DLC1: variants seen among roughly 807,000 people sequenced by gnomAD.
The protein encoded by DLC1 is rho GTPase-activating protein 7.
In DLC1, 54 loss-of-function variants were observed where a neutral mutation model predicts 140.3. The observed-to-expected ratio is 0.38, with a 90% CI of 0.31 to 0.48. DLC1 has a LOEUF of 0.48. Ranked by LOEUF, DLC1 falls within the 20% of genes least tolerant of loss-of-function variation. The pLI, the probability that DLC1 is intolerant of heterozygous loss-of-function variation, is 0.96. For synonymous variants in DLC1, 986 were observed against 728.1 expected (o/e 1.35, Z -5.70); for missense variants, 2,536 against 1,907.0 (o/e 1.33, Z -6.14).
At chr8:13,102,271 A>C (rs1190896750) in intron 8 of DLC1, among the ~76,000 whole-genome samples, 1 of 152,184 alleles carries the variant, frequency 6.6e-6, no homozygotes. Flanking sequence ...TCGGTTGTGT[A>C]CCACCATTTG....
At chr8:13,304,373 A>C (rs1032973117) in intron 5 of DLC1, among the ~76,000 whole-genome samples, 15 of 152,344 alleles carry the variant, frequency 9.8e-5, no homozygotes, top group African/African-American at 3.4e-4. Flanking sequence ...ATACAGCCTA[A>C]ACATGAGAGA....
Position 13,319,758 on chromosome 8 carries a change from G to T in DLC1, c.1315-14456C>A, listed in dbSNP as rs1563250504. ...GGTAGTTCTTTATAACAGTGCAAGA[G>T]CGGATTAATACACCAACTTTTTTCA... On this transcript the variant is annotated intron_variant, in intron 4 of 17. Coordinates refer to ENST00000276297, the MANE Select transcript of DLC1 (RefSeq NM_182643.3). Among the ~76,000 whole-genome samples, 3 of 149,614 alleles carry T rather than the reference G, an allele frequency of 2.0e-5. 1 individual carries two copies. In the South Asian group the frequency reaches 6.3e-4, roughly 32 times the overall value.
At chr8:13,411,752 T>G (rs1747270241) in intron 2 of DLC1, among the ~76,000 whole-genome samples, 1 of 152,314 alleles carries the variant, frequency 6.6e-6, no homozygotes, top group African/African-American at 2.4e-5. Flanking sequence ...CTAGAAAATT[T>G]TTAGTGTGGA....
intron 5 of DLC1, among the ~76,000 whole-genome samples, chr8:13,278,286 A>G (rs1441443222): frequency 6.6e-6 from 1 of 152,214 alleles, no homozygotes; most frequent in African/African-American, 2.4e-5. Flanking sequence ...GCCTGGTTCC[A>G]TTCTAAAACA....
chr8:13,406,704 G>C (rs1837579667), intron 2 of DLC1, among the ~76,000 whole-genome samples: 1 of 152,072 alleles, frequency 6.6e-6, no homozygotes, highest in Non-Finnish European at 1.5e-5. Flanking sequence ...ATTAACTGTT[G>C]GTGCCCAGAA....
chr8:13,463,867 G>A (rs920402843), intron 2 of DLC1, among the ~76,000 whole-genome samples: 2 of 152,026 alleles, frequency 1.3e-5, no homozygotes, highest in Non-Finnish European at 2.9e-5. Flanking sequence ...AAGGGGACAC[G>A]AAAGAGCTCA....
chr8:13,568,546 G>T (rs1271588559), intron 1 of DLC1, among the ~76,000 whole-genome samples: 1 of 151,692 alleles, frequency 6.6e-6, no homozygotes. Flanking sequence ...ATGGCATATA[G>T]CTGGAAGTTG....
intron 5 of DLC1, among the ~76,000 whole-genome samples, chr8:13,183,820 G>A (rs541006879): frequency 6.6e-6 from 1 of 152,246 alleles, no homozygotes; most frequent in African/African-American, 2.4e-5. Context: ...TCAGGATGAT[G>A]CTGGCCTCAT....
In DLC1 at chr8:13,418,736, T is replaced by A. The variant is rs572771747; in HGVS notation, c.1024-17117A>T. ...CCATATGAACTTTAATGTAGTTTTT[T>A]CCAATTTTGTGAAGAAAGTCATTGG... On this transcript the variant is annotated intron_variant, in intron 2 of 17. Coordinates refer to ENST00000276297, the MANE Select transcript of DLC1 (RefSeq NM_182643.3). Among the ~76,000 whole-genome samples, 32 of 152,308 alleles carry A rather than the reference T, an allele frequency of 2.1e-4. 1 individual carries two copies. Among genetic ancestry groups the A allele is most frequent in the Admixed American group, 3.3e-4 (5 of 15,294 alleles).
intron 1 of DLC1, among the ~76,000 whole-genome samples, chr8:13,535,403 C>T (rs905979455): frequency 2.6e-5 from 4 of 152,092 alleles, no homozygotes; most frequent in East Asian, 1.9e-4. Context: ...CTGCAACTTA[C>T]GATTAACACA....
intron 5 of DLC1, among the ~76,000 whole-genome samples, chr8:13,171,503 G>T (rs998668563): frequency 2.6e-5 from 4 of 152,000 alleles, no homozygotes; most frequent in Non-Finnish European, 4.4e-5. Flanking sequence ...CAATCCTCCT[G>T]TCTCAGCCTC....
At chr8:13,398,588 A>C (rs1336822821) in intron 3 of DLC1, among the ~76,000 whole-genome samples, 1 of 145,914 alleles carries the variant, frequency 6.9e-6, no homozygotes, top group South Asian at 2.2e-4. Flanking sequence ...GGCAACATAG[A>C]GAAACCCCAT....
chr8:13,092,504 CCTT>C (rs1818156725), intron 13 of DLC1, 105 bp downstream of exon 13: 5 of 1,262,914 alleles, frequency 4.0e-6, no homozygotes, highest in African/African-American at 3.0e-5. Flanking sequence ...AGCGGTCTAA[CCTT>C]CTTGCTTGTT....
chr8:13,442,112 C>T (rs1340982939), intron 2 of DLC1, among the ~76,000 whole-genome samples: 2 of 152,110 alleles, frequency 1.3e-5, no homozygotes, highest in African/African-American at 2.4e-5. Flanking sequence ...GAAAGGATTC[C>T]CTATTTAATA....
At chr8:13,158,191 G>T (rs1157812388) in intron 5 of DLC1, among the ~76,000 whole-genome samples, 1 of 152,102 alleles carries the variant, frequency 6.6e-6, no homozygotes, top group Non-Finnish European at 1.5e-5. Flanking sequence ...TGGGGTCCCC[G>T]CCCAATCACC....
At chr8:13,487,423 A>G (rs1801019085) in intron 2 of DLC1, among the ~76,000 whole-genome samples, 1 of 152,194 alleles carries the variant, frequency 6.6e-6, no homozygotes, top group Non-Finnish European at 1.5e-5. Flanking sequence ...TTATACAATA[A>G]TGGTAAAAAT....
At chr8:13,413,533 A>G (rs1222761777) in intron 2 of DLC1, among the ~76,000 whole-genome samples, 1 of 151,974 alleles carries the variant, frequency 6.6e-6, no homozygotes, top group African/African-American at 2.4e-5. Context: ...TGCACAAAAT[A>G]AATCTGGAAG....
chr8:13,213,198 G>C (rs1235665738), intron 5 of DLC1, among the ~76,000 whole-genome samples: 1 of 152,154 alleles, frequency 6.6e-6, no homozygotes, highest in Non-Finnish European at 1.5e-5. Flanking sequence ...ATTTTCTTCA[G>C]ACATTTTTGG....
intron 5 of DLC1, among the ~76,000 whole-genome samples, chr8:13,240,502 T>G (rs1829497993): frequency 6.6e-6 from 1 of 152,140 alleles, no homozygotes; most frequent in South Asian, 2.1e-4. Context: ...CTCAGCTCAC[T>G]GCAGCCTCCA....
Sources: gnomAD v4.1 joint callset for allele counts (sites outside exome capture counted in the v4.1 genomes callset) on GRCh38, gnomAD v4.1.1 for gene constraint, MANE v1.5 for transcripts, NCBI Gene and HGNC (gene_info 2026-07-23, HGNC 2026-07-21) for gene names.